Variants in GNG12 observed in about 807,000 individuals in gnomAD.
GNG12 encodes the protein G protein subunit gamma 12.
For missense variants in GNG12, 69 were observed against 83.8 expected (o/e 0.82, Z 0.69); for synonymous variants, 28 against 29.7 (o/e 0.94, Z 0.19).
At chr1:67,748,162 G>A (rs1401422848) in intron 2 of GNG12, among the ~76,000 whole-genome samples, 1 of 152,166 alleles carries the variant, frequency 6.6e-6, no homozygotes, top group Non-Finnish European at 1.5e-5. Flanking sequence ...CTTTTTGTGG[G>A]GGCAGGGAAA....
intron 1 of GNG12, among the ~76,000 whole-genome samples, chr1:67,828,998 C>T (rs1647027130): frequency 1.3e-5 from 2 of 152,088 alleles, no homozygotes; most frequent in Non-Finnish European, 2.9e-5. Flanking sequence ...AACTATTACG[C>T]AAATTTTTTT....
At chr1:67,767,814 T>A (rs982162615) in intron 2 of GNG12, among the ~76,000 whole-genome samples, 1 of 152,254 alleles carries the variant, frequency 6.6e-6, no homozygotes, top group Non-Finnish European at 1.5e-5. Flanking sequence ...TGTGCTACAG[T>A]TTGGAATTTA....
At chr1:67,732,932 G>A (rs1271254845) in intron 2 of GNG12, among the ~76,000 whole-genome samples, 1 of 152,210 alleles carries the variant, frequency 6.6e-6, no homozygotes, top group African/African-American at 2.4e-5. Context: ...GCTTTATCAT[G>A]GCCAAGGGCA....
intron 1 of GNG12, among the ~76,000 whole-genome samples, chr1:67,778,898 C>T (rs1018705026): frequency 6.6e-6 from 1 of 152,174 alleles, no homozygotes. Flanking sequence ...GCAGATGGAA[C>T]AGTTATTGGA....
chr1:67,758,414 C>T (rs1257983862), intron 2 of GNG12, among the ~76,000 whole-genome samples: 2 of 152,200 alleles, frequency 1.3e-5, no homozygotes, highest in South Asian at 2.1e-4. Flanking sequence ...TTCGCCATGA[C>T]GATGAAATAC....
intron 1 of GNG12, among the ~76,000 whole-genome samples, chr1:67,801,942 A>G (rs1020653331): frequency 1.3e-5 from 2 of 150,334 alleles, no homozygotes; most frequent in African/African-American, 4.9e-5. Context: ...GGGGGAAGGA[A>G]AAAAGAAGGA....
At chr1:67,770,814 A>G (rs1646670056) in intron 2 of GNG12, among the ~76,000 whole-genome samples, 1 of 152,192 alleles carries the variant, frequency 6.6e-6, no homozygotes, top group South Asian at 2.1e-4. Flanking sequence ...CTGACCCCAC[A>G]ACCTGGAGAG....
intron 2 of GNG12, among the ~76,000 whole-genome samples, chr1:67,744,019 G>T (rs1413278877): frequency 6.6e-6 from 1 of 152,174 alleles, no homozygotes; most frequent in African/African-American, 2.4e-5. Flanking sequence ...GTGGGGAAGA[G>T]AATCCTCAAA....
intron 1 of GNG12, among the ~76,000 whole-genome samples, chr1:67,806,083 A>C (rs1646893271): frequency 6.6e-6 from 1 of 152,094 alleles, no homozygotes; most frequent in Admixed American, 6.6e-5. Context: ...ATGTTCTCAG[A>C]TTAAAAAAAA....
chr1:67,703,612 C>T lies in GNG12; in HGVS notation c.*1839G>A, dbSNP rs1287473481. ...AGGTAAAATCTTCCTCTCTCCTAAACAGGTACCTATAATTGATTTGGGAAC... is the reference window on the plus strand; with the variant it reads ...AGGTAAAATCTTCCTCTCTCCTAAATAGGTACCTATAATTGATTTGGGAAC... On this transcript the variant is annotated 3_prime_UTR_variant, in exon 4 of 4. Coordinates refer to ENST00000370982, the MANE Select transcript of GNG12 (RefSeq NM_018841.6). 1 of 152,172 alleles carries T rather than the reference C, an allele frequency of 6.6e-6. No homozygotes were observed. The highest frequency in any genetic ancestry group is 1.5e-5 in the Non-Finnish European group (1 of 68,024). 9.4% of individuals were successfully genotyped at this position (152,172 alleles called of 1,614,324 possible). A position where few individuals can be genotyped will look rare whatever the true frequency, so the allele number is the denominator to read the frequency against.
At chr1:67,774,597 C>T (rs59711991) in intron 2 of GNG12, among the ~76,000 whole-genome samples, 7,956 of 152,234 alleles carry the variant, frequency 0.052, 359 homozygotes, top group South Asian at 0.079. Flanking sequence ...TGTGTTCCTG[C>T]TCACCTTCCC....
At chr1:67,710,892 A>T (rs1394146728) in intron 2 of GNG12, among the ~76,000 whole-genome samples, 1 of 152,194 alleles carries the variant, frequency 6.6e-6, no homozygotes, top group African/African-American at 2.4e-5. Context: ...ACTGCTACTA[A>T]GTACAATATG....
At chr1:67,799,350 C>T (rs1409538858) in intron 1 of GNG12, among the ~76,000 whole-genome samples, 1 of 152,184 alleles carries the variant, frequency 6.6e-6, no homozygotes, top group African/African-American at 2.4e-5. Flanking sequence ...TTTGTCTCTC[C>T]AGGGAACTGC....
rs1322270356 is a variant in GNG12 at position 67,784,508 on chromosome 1, A to C, written c.-76-7001T>G. 2.2e-5 allele frequency among the ~76,000 whole-genome samples: 3 copies of C among 139,414 alleles called. No individual in the cohort carries two copies. In the East Asian group the frequency reaches 6.1e-4, roughly 28 times the overall value. The allele number at this position is 139,414 out of a possible 152,430, so 91.5% of individuals were successfully genotyped here. A position where few individuals can be genotyped will look rare whatever the true frequency, so the allele number is the denominator to read the frequency against. ...AAATAAATAATAAAAGCAGTTTGCCAATTTCTATTAAAAAAAAAGACTTTT... is the reference window on the plus strand; with the variant it reads ...AAATAAATAATAAAAGCAGTTTGCCCATTTCTATTAAAAAAAAAGACTTTT... On this transcript the variant is annotated intron_variant, in intron 1 of 3. Coordinates refer to ENST00000370982, the MANE Select transcript of GNG12 (RefSeq NM_018841.6).
chr1:67,715,952 C>A (rs77984021), intron 2 of GNG12, among the ~76,000 whole-genome samples: 1,894 of 152,296 alleles, frequency 0.012, 33 homozygotes, highest in African/African-American at 0.044. Context: ...ACATAAAATT[C>A]TTTCTCTTTC....
chr1:67,830,588 T>C (rs551635437), intron 1 of GNG12, among the ~76,000 whole-genome samples: 10 of 152,342 alleles, frequency 6.6e-5, no homozygotes, highest in Non-Finnish European at 1.5e-4. Context: ...ATTTCTTACC[T>C]AGGGCTAATA....
intron 2 of GNG12, among the ~76,000 whole-genome samples, chr1:67,751,821 C>T (rs980604540): frequency 6.6e-6 from 1 of 152,110 alleles, no homozygotes; most frequent in East Asian, 1.9e-4. Context: ...CAAACAGAAA[C>T]CTCTCTCAAG....
chr1:67,804,788 G>A (rs1646885507), intron 1 of GNG12, among the ~76,000 whole-genome samples: 2 of 152,008 alleles, frequency 1.3e-5, no homozygotes. Context: ...TAGAGACTTC[G>A]TGTGGACAAG....
At chr1:67,777,258 C>T (rs977730016) in intron 2 of GNG12, 200 bp downstream of exon 2, 1 of 152,168 alleles carries the variant, frequency 6.6e-6, no homozygotes, top group African/African-American at 2.4e-5. Context: ...CTTTATCCTG[C>T]CCATGGTCTT....
Sources: gnomAD v4.1 joint callset for allele counts (sites outside exome capture counted in the v4.1 genomes callset) on GRCh38, gnomAD v4.1.1 for gene constraint, MANE v1.5 for transcripts, NCBI Gene and HGNC (gene_info 2026-07-23, HGNC 2026-07-21) for gene names.